Variants in SMARCA4 observed in about 807,000 individuals in gnomAD.
SMARCA4 encodes SWI/SNF-related matrix-associated actin-dependent regulator of chromatin subfamily A member 4.
Under a neutral mutation model 193.9 loss-of-function variants are expected in SMARCA4, and 31 were observed. The observed-to-expected ratio is 0.16, with a 90% CI of 0.12 to 0.22. The LOEUF is 0.22. Among genes scored for constraint, SMARCA4 ranks in the 10% least tolerant of loss-of-function variants. SMARCA4 has a pLI of 1.00. For missense variants in SMARCA4, 1,148 were observed against 2,296.0 expected, an observed-to-expected ratio of 0.50 and a Z score of 10.22; for synonymous variants, 942 against 933.1, an observed-to-expected ratio of 1.01 and a Z score of -0.17.
chr19:10,964,680 C>T (rs1055840126), intron 1 of SMARCA4, among the ~76,000 whole-genome samples: 6 of 150,504 alleles, frequency 4.0e-5, no homozygotes, highest in South Asian at 4.2e-4. Flanking sequence ...TGCAGTGGTG[C>T]GATCTTGACT....
intron 9 of SMARCA4, chr19:10,995,430 G>T: frequency 2.2e-6 from 1 of 460,866 alleles, no homozygotes; most frequent in South Asian, 1.5e-5. Flanking sequence ...CTGCCTTTGT[G>T]GGGGCTCCTG....
intron 8 of SMARCA4, among the ~76,000 whole-genome samples, chr19:10,993,061 C>T (rs1202559943): frequency 6.7e-6 from 1 of 149,236 alleles, no homozygotes; most frequent in Non-Finnish European, 1.5e-5. Context: ...TCTCCACTCA[C>T]TGCAGCCTCT....
intron 1 of SMARCA4, among the ~76,000 whole-genome samples, chr19:10,965,047 G>A (rs1368657844): frequency 1.3e-5 from 2 of 152,178 alleles, no homozygotes; most frequent in Non-Finnish European, 2.9e-5. Flanking sequence ...GGTCATCAAG[G>A]CTGCCATGGC....
chr19:11,050,902 G>T (rs1209055494), intron 30 of SMARCA4, among the ~76,000 whole-genome samples: 1 of 152,228 alleles, frequency 6.6e-6, no homozygotes, highest in African/African-American at 2.4e-5. Flanking sequence ...CCAGGTCTAT[G>T]GTCTGCTTGG....
In SMARCA4 at chr19:11,062,203, G is replaced by A. The variant is rs929778082; in HGVS notation, c.*387G>A. ...GTATTTTATTGGACAGGTCAGACTC[G>A]CCGGGGGCCCGGCGAGGGTATGTCA... is the stretch of plus-strand genomic sequence containing the variant. On this transcript the variant is annotated 3_prime_UTR_variant, in exon 35 of 35. Coordinates refer to ENST00000344626, the MANE Select transcript of SMARCA4 (RefSeq NM_003072.5). The A allele has an allele frequency of 1.3e-5, 4 of 314,484 alleles. No individual in the cohort carries two copies. The highest frequency in any genetic ancestry group is 2.4e-5 in the Non-Finnish European group (4 of 167,160). 19.5% of individuals were successfully genotyped at this position (314,484 alleles called of 1,614,324 possible).
At chr19:10,974,242 A>G (rs1001829732) in intron 1 of SMARCA4, among the ~76,000 whole-genome samples, 3 of 152,128 alleles carry the variant, frequency 2.0e-5, no homozygotes, top group East Asian at 1.9e-4. Flanking sequence ...GTGGCGTGAA[A>G]GAAGAGACCA....
intron 1 of SMARCA4, among the ~76,000 whole-genome samples, chr19:10,973,833 G>C (rs2084882842): frequency 6.6e-6 from 1 of 152,114 alleles, no homozygotes; most frequent in Non-Finnish European, 1.5e-5. Context: ...GCCTCCCAAA[G>C]TGCTGGGATT....
intron 1 of SMARCA4, among the ~76,000 whole-genome samples, chr19:10,978,092 C>A (rs947991219): frequency 1.3e-5 from 2 of 152,188 alleles, no homozygotes; most frequent in South Asian, 2.1e-4. Context: ...AGGCCCCTAC[C>A]TCCTGGCTAG....
In SMARCA4 at chr19:10,991,235, G is replaced by A. The variant is rs1052250887; in HGVS notation, c.1331G>A (p.Arg444His). The A allele has an allele frequency of 6.2e-7, 1 of 1,613,448 alleles. No homozygotes were observed. Residue 444 changes from arginine to histidine, a missense_variant, in exon 8 of 35, where the codon CGC becomes CAC. By Grantham distance (29) the Arg-to-His change is conservative. This residue lies in a region of SMARCA4 where 69 missense variants were observed against 186.9 expected (regional missense o/e 0.37). Transcript: ENST00000344626. ...LNAKAYKRSKRQSLREARITE... is the reference protein window; with the variant it reads ...LNAKAYKRSKHQSLREARITE... ...GCTAAGGCCTACAAGCGCAGCAAGC[G>A]CCAGTCCCTGCGCGAGGCCCGCATC...
chr19:11,006,594 A>C (rs948297907), intron 13 of SMARCA4, among the ~76,000 whole-genome samples: 1 of 151,600 alleles, frequency 6.6e-6, no homozygotes, highest in African/African-American at 2.4e-5. Context: ...CTACTAAAAA[A>C]TACAAAAATT....
In SMARCA4 at chr19:10,984,172, C is replaced by G. The variant is rs2085802743; in HGVS notation, c.21C>G (p.Pro7=). The part of the protein sequence containing the change: MSTPDP[P]LGGTPRPGPS... ...TGAAGATGTCCACTCCAGACCCACC[C>G]CTGGGCGGAACTCCTCGGCCAGGTC... The change falls in exon 2 of 35, where the codon CCC becomes CCG. Residue 7 remains proline, a synonymous_variant. Coordinates refer to ENST00000344626, the MANE Select transcript of SMARCA4 (RefSeq NM_003072.5). This position sits in a 1 kb window ranked among gnomAD's most constrained non-coding sequence, Gnocchi z 4.3. 1 of 1,613,622 alleles carries G rather than the reference C, an allele frequency of 6.2e-7. No individual in the cohort carries two copies.
At chr19:11,052,341 A>T (rs2076307531) in intron 30 of SMARCA4, among the ~76,000 whole-genome samples, 1 of 152,142 alleles carries the variant, frequency 6.6e-6, no homozygotes, top group South Asian at 2.1e-4. Flanking sequence ...CGGGAAAATC[A>T]CGTGAGCCCA....
chr19:11,011,546 C>T (rs2088847743), intron 15 of SMARCA4, among the ~76,000 whole-genome samples: 1 of 152,166 alleles, frequency 6.6e-6, no homozygotes, highest in Non-Finnish European at 1.5e-5. Context: ...TAAGACAACT[C>T]TTAAACCTTT....
chr19:11,018,886 T>G, intron 16 of SMARCA4, 71 bp from the exon 17 acceptor site: 1 of 1,298,382 alleles, frequency 7.7e-7, no homozygotes, highest in Non-Finnish European at 1.1e-6. Flanking sequence ...TGACAGCCAG[T>G]GGCTATGGGT....
At chr19:10,997,004 C>G (rs2087122909) in intron 11 of SMARCA4, among the ~76,000 whole-genome samples, 1 of 151,668 alleles carries the variant, frequency 6.6e-6, no homozygotes, top group African/African-American at 2.4e-5. Context: ...TACGGTTATG[C>G]CCCACCACAC....
In SMARCA4 at chr19:11,025,431, G is replaced by A. The variant is rs749947536; in HGVS notation, c.3091G>A (p.Gly1031Ser). 6.2e-7 allele frequency: 1 copy of A among 1,612,794 alleles called. No individual in the cohort carries two copies. ...CTCATCTGCCTTCCAGGGCAAAGGC[G>A]GCACCAAGACCCTGATGAACACCAT... Reference protein sequence around the residue: ...GSEKDKKGKGGTKTLMNTIMQ... With the variant: ...GSEKDKKGKGSTKTLMNTIMQ... The change falls in exon 22 of 35, where the codon GGC becomes AGC. Residue 1031 changes from glycine to serine, a missense_variant. By Grantham distance (56) the Gly-to-Ser change is moderately conservative. This residue lies in a region of SMARCA4 where 74 missense variants were observed against 392.3 expected (regional missense o/e 0.19). Transcript: ENST00000344626.
rs2075636704 is a variant in SMARCA4, at chr19:11,041,855, G to T, written c.4424+295G>T. On this transcript the variant is annotated intron_variant, in intron 30 of 34. Transcript: ENST00000344626. The surrounding 1 kb of genome is among the most constrained non-coding windows in gnomAD (Gnocchi z 5.6). ...TGCAGCAGAGCCTTGAGAGAGGGGAGGTTGGGGAGAGTGCACCAGCAGAGG... is the reference window on the plus strand; with the variant it reads ...TGCAGCAGAGCCTTGAGAGAGGGGATGTTGGGGAGAGTGCACCAGCAGAGG... Among the ~76,000 whole-genome samples, 1 of 152,222 alleles carries T rather than the reference G, an allele frequency of 6.6e-6. No individual in the cohort carries two copies. Among genetic ancestry groups the T allele is most frequent in the South Asian group, 2.1e-4 (1 of 4,828 alleles).
rs113565725 is a variant in SMARCA4, at chr19:11,028,118, T to C, written c.3382+168T>C. 2.5e-3 allele frequency among the ~76,000 whole-genome samples: 380 copies of C among 152,294 alleles called. 2 individuals carry two copies. Among genetic ancestry groups the C allele is most frequent in the African/African-American group, 8.8e-3 (364 of 41,570 alleles). On this transcript the variant is annotated intron_variant, in intron 24 of 34. Coordinates refer to ENST00000344626, the MANE Select transcript of SMARCA4 (RefSeq NM_003072.5). ...GCTGAGCATCTTGGGCACTCGGCAC[T>C]GGGACAGGCCGTGGATTGGACGCCG...
In SMARCA4 at chr19:11,041,541, G is replaced by A. The variant is rs370484739; in HGVS notation, c.4405G>A (p.Val1469Met). Residue 1469 changes from valine to methionine, a missense_variant, in exon 30 of 35, where the codon GTG (valine) becomes ATG (methionine). Around this residue, in one of 17 missense-constraint regions of SMARCA4, gnomAD observed 141 missense variants for 193.0 expected, o/e 0.73. Transcript: ENST00000344626. The surrounding 1 kb of genome is among the most constrained non-coding windows in gnomAD (Gnocchi z 5.6). ...GAAGATGAAGAAGATTGTGGATGCC[G>A]TGATCAAGTACAAGGACAGGTAAGC... ...TKKMKKIVDA[V>M]IKYKDSSSGR... The A allele has an allele frequency of 6.2e-6, 10 of 1,613,596 alleles. No homozygotes were observed. The East Asian group carries it at 8.9e-5, about 14-fold the overall frequency.
Sources: gnomAD v4.1 joint callset for allele counts (sites outside exome capture counted in the v4.1 genomes callset) on GRCh38, gnomAD v4.1.1 for gene constraint, gnomAD v4.1.1 regional missense constraint, Gnocchi (gnomAD v3.1) non-coding constraint, MANE v1.5 for transcripts, NCBI Gene and HGNC (gene_info 2026-07-23, HGNC 2026-07-21) for gene names.